Variants in ERBB4 observed in about 807,000 individuals in gnomAD.
The protein encoded by ERBB4 is erb-b2 receptor tyrosine kinase 4.
A neutral mutation model predicts 158.0 loss-of-function variants in ERBB4; 42 were observed. The ratio of observed to expected loss-of-function variants is 0.27; its 90% CI spans 0.21 to 0.34. The LOEUF is 0.34. Among genes scored for constraint, ERBB4 ranks in the 10% least tolerant of loss-of-function variants. The pLI, the probability that ERBB4 is intolerant of heterozygous loss-of-function variation, is 1.00. For missense variants in ERBB4, 1,333 were observed against 1,624.1 expected (o/e 0.82, Z 3.08); for synonymous variants, 583 against 558.7 (o/e 1.04, Z -0.61).
In ERBB4 at chr2:211,552,786, C is replaced by A. The variant is rs143721903; in HGVS notation, c.2487+9117G>T. ...AAAGATAGTTTCCTTAGAGCAAAGTCAGAAACTAAAATTTTTGCAGGAATA... is the reference window on the plus strand; with the variant it reads ...AAAGATAGTTTCCTTAGAGCAAAGTAAGAAACTAAAATTTTTGCAGGAATA... On this transcript the variant is annotated intron_variant, in intron 20 of 27. Transcript: ENST00000342788. Among the ~76,000 whole-genome samples the A allele has an allele frequency of 3.3e-3, 509 of 152,188 alleles. 2 individuals are homozygous for A. The highest frequency in any genetic ancestry group is 0.012 in the African/African-American group (496 of 41,520).
chr2:212,064,595 A>T (rs1422157462), intron 2 of ERBB4, among the ~76,000 whole-genome samples: 1 of 152,026 alleles, frequency 6.6e-6, no homozygotes, highest in Non-Finnish European at 1.5e-5. Flanking sequence ...TTTTTCATAC[A>T]TTCATTATAC....
intron 12 of ERBB4, among the ~76,000 whole-genome samples, chr2:211,696,998 C>G (rs556034539): frequency 2.0e-5 from 3 of 152,232 alleles, no homozygotes; most frequent in African/African-American, 4.8e-5. Flanking sequence ...AGAGGAATCA[C>G]GGTGAAATGA....
At chr2:212,166,492 A>G (rs982503840) in intron 1 of ERBB4, among the ~76,000 whole-genome samples, 4 of 152,060 alleles carry the variant, frequency 2.6e-5, no homozygotes, top group African/African-American at 9.7e-5. Flanking sequence ...AATCGGTCTC[A>G]TGAAAATGGT....
chr2:212,038,490 A>G (rs2077065542), intron 2 of ERBB4, among the ~76,000 whole-genome samples: 2 of 152,076 alleles, frequency 1.3e-5, no homozygotes, highest in African/African-American at 2.4e-5. Flanking sequence ...AACAAAGAGG[A>G]CGGCTGTTCA....
intron 3 of ERBB4, among the ~76,000 whole-genome samples, chr2:211,928,313 C>G (rs2080074509): frequency 6.6e-6 from 1 of 151,796 alleles, no homozygotes; most frequent in South Asian, 2.1e-4. Context: ...TGGGTTTGTT[C>G]TCAGCAGAGG....
At chr2:212,176,567 T>C (rs1030068755) in intron 1 of ERBB4, among the ~76,000 whole-genome samples, 2 of 151,998 alleles carry the variant, frequency 1.3e-5, no homozygotes, top group African/African-American at 4.8e-5. Flanking sequence ...ACCCAGTATA[T>C]GTTATTTTAT....
chr2:212,394,953 C>A (rs549445471), intron 1 of ERBB4, among the ~76,000 whole-genome samples: 1 of 152,094 alleles, frequency 6.6e-6, no homozygotes, highest in Non-Finnish European at 1.5e-5. Flanking sequence ...TGGCCTTAAA[C>A]GTCAACTTCC....
intron 15 of ERBB4, among the ~76,000 whole-genome samples, chr2:211,664,439 C>A (rs2071546103): frequency 6.6e-6 from 1 of 151,864 alleles, no homozygotes; most frequent in African/African-American, 2.4e-5. Context: ...GCTTTATGGG[C>A]AGTAGGAGGA....
At chr2:211,456,580 C>T (rs1050877141) in intron 20 of ERBB4, among the ~76,000 whole-genome samples, 9 of 152,014 alleles carry the variant, frequency 5.9e-5, no homozygotes, top group Non-Finnish European at 1.2e-4. Flanking sequence ...TACATATATA[C>T]GTATGCAAAA....
rs34619293 is a variant in ERBB4, at chr2:212,523,572, TA to T, written c.82+14876del. Among the ~76,000 whole-genome samples, 8 of 151,518 alleles carry T rather than the reference TA, an allele frequency of 5.3e-5. No homozygotes were observed. The East Asian group carries it at 1.5e-3, about 29-fold the overall frequency. ...AAAATGTTTATTTAAGAATGACAAT[TA>T]AAAAAAATCCTTCACAAATCTACTA... is the stretch of plus-strand genomic sequence containing the variant. On this transcript the variant is annotated intron_variant, in intron 1 of 27. Transcript: ENST00000342788.
At chr2:212,305,302 C>T (rs183518989) in intron 1 of ERBB4, among the ~76,000 whole-genome samples, 223 of 151,328 alleles carry the variant, frequency 1.5e-3, no homozygotes, top group Middle Eastern at 6.8e-3. Context: ...TTAGTGAGGA[C>T]GTACTCTAAA....
chr2:211,661,841 C>T (rs2071431812), intron 15 of ERBB4, among the ~76,000 whole-genome samples: 1 of 150,680 alleles, frequency 6.6e-6, no homozygotes, highest in Admixed American at 6.6e-5. Context: ...AGATCGAGAC[C>T]ATCCCGGCTA....
chr2:211,621,538 CAA>C (rs1355152454), intron 18 of ERBB4, among the ~76,000 whole-genome samples: 1 of 152,104 alleles, frequency 6.6e-6, no homozygotes, highest in Non-Finnish European at 1.5e-5. Flanking sequence ...GCTCTTAATA[CAA>C]GTTAATAAAG....
intron 4 of ERBB4, among the ~76,000 whole-genome samples, chr2:211,755,112 G>A (rs545654923): frequency 3.9e-5 from 6 of 152,286 alleles, no homozygotes; most frequent in South Asian, 2.1e-4. Flanking sequence ...AAATTAGTAC[G>A]TCTTGTTATT....
intron 1 of ERBB4, among the ~76,000 whole-genome samples, chr2:212,379,554 G>C (rs1312480558): frequency 6.6e-6 from 1 of 151,576 alleles, no homozygotes; most frequent in Non-Finnish European, 1.5e-5. Context: ...GAGCCAGAAA[G>C]ATCTTTTTAA....
intron 3 of ERBB4, among the ~76,000 whole-genome samples, chr2:211,798,792 CT>C (rs1451825400): frequency 6.6e-6 from 1 of 152,030 alleles, no homozygotes; most frequent in African/African-American, 2.4e-5. Flanking sequence ...TATTAAATGT[CT>C]TACTAAAGTT....
chr2:212,461,996 G>A (rs1167797000), intron 1 of ERBB4, among the ~76,000 whole-genome samples: 1 of 152,218 alleles, frequency 6.6e-6, no homozygotes, highest in Non-Finnish European at 1.5e-5. Flanking sequence ...GGAACTGTAA[G>A]TGCAATTAAA....
chr2:211,666,937 A>G (rs1161915568), intron 14 of ERBB4, among the ~76,000 whole-genome samples: 1 of 152,220 alleles, frequency 6.6e-6, no homozygotes, highest in Non-Finnish European at 1.5e-5. Context: ...ACTAAGTTAT[A>G]AAGAACTAGA....
intron 16 of ERBB4, 52 bp from the exon 17 acceptor site, chr2:211,630,646 A>G (rs2125873722): frequency 6.7e-7 from 1 of 1,503,500 alleles, no homozygotes; most frequent in Non-Finnish European, 9.2e-7. Context: ...GAGAGAGAAG[A>G]CAGAGGAAGA....
Sources: allele counts gnomAD v4.1 joint callset (sites outside exome capture counted in the v4.1 genomes callset), GRCh38; gene constraint gnomAD v4.1.1; transcripts MANE v1.5; gene names NCBI Gene and HGNC (gene_info 2026-07-23, HGNC 2026-07-21).